The following KIAA0586 variants were observed in gnomAD, a reference collection of about 807,000 sequenced individuals.
The protein encoded by KIAA0586 is KIAA0586, also known as protein TALPID3.
In KIAA0586, 144 loss-of-function variants were observed where a neutral mutation model predicts 169.8. The observed-to-expected ratio is 0.85, with a 90% CI of 0.74 to 0.97. The LOEUF (loss-of-function observed/expected upper bound fraction) is 0.97, where lower values mean the gene tolerates loss of function less well. Ranked by LOEUF, KIAA0586 falls within the 50% of genes least tolerant of loss-of-function variation. The probability of loss-of-function intolerance (pLI) is 0.00; values close to 1 mark genes in which losing one functional copy is unlikely to be tolerated. For synonymous variants in KIAA0586, 625 were observed against 612.4 expected (o/e 1.02, Z -0.30); for missense variants, 1,854 against 1,823.0 (o/e 1.02, Z -0.31).
intron 29 of KIAA0586, among the ~76,000 whole-genome samples, chr14:58,513,658 T>C (rs2044551082): frequency 6.6e-6 from 1 of 151,980 alleles, no homozygotes; most frequent in South Asian, 2.1e-4. Context: ...CTTCTGGTGA[T>C]TTAAGAATTA....
chr14:58,495,233 T>A (rs1030937951), intron 26 of KIAA0586, among the ~76,000 whole-genome samples: 3 of 152,148 alleles, frequency 2.0e-5, no homozygotes, highest in African/African-American at 7.2e-5. Context: ...ATTAAGCATT[T>A]ATATATGTAT....
chr14:58,552,264 A>T (rs1205213833), downstream of KIAA0586, among the ~76,000 whole-genome samples: 1 of 152,134 alleles, frequency 6.6e-6, no homozygotes, highest in African/African-American at 2.4e-5. Flanking sequence ...TTTTTATTTG[A>T]CCTAGGTAGG....
chr14:58,531,326 C>CAAAAAAAAAAAA (rs1025870057), intron 29 of KIAA0586, among the ~76,000 whole-genome samples: 2 of 96,112 alleles, frequency 2.1e-5, no homozygotes, highest in African/African-American at 3.5e-5. Context: ...GACTCCGTCT[C>CAAAAAAAAAAAA]AAAAAAAAAA....
intron 21 of KIAA0586, among the ~76,000 whole-genome samples, chr14:58,484,900 A>ATATT (rs1555391503): frequency 9.8e-4 from 9 of 9,166 alleles, no homozygotes; most frequent in Admixed American, 2.8e-3. Flanking sequence ...TTATATATAT[A>ATATT]TATATATATA....
chr14:58,496,768 A>G (rs1303737209), intron 26 of KIAA0586, among the ~76,000 whole-genome samples: 1 of 152,224 alleles, frequency 6.6e-6, no homozygotes, highest in African/African-American at 2.4e-5. Context: ...GTTGGTTGAA[A>G]TTAAACCCCT....
chr14:58,548,824 A>G lies in KIAA0586; in HGVS notation c.*892A>G, dbSNP rs1785727494. ...GGAAAATAAAAAGCATTGCTTCGTAATCAGATACATGTAGGTTCTAATCCC... is the reference window on the plus strand; with the variant it reads ...GGAAAATAAAAAGCATTGCTTCGTAGTCAGATACATGTAGGTTCTAATCCC... On this transcript the variant is annotated 3_prime_UTR_variant, in exon 31 of 31. Coordinates refer to ENST00000652326, the MANE Select transcript of KIAA0586 (RefSeq NM_001329943.3). The G allele has an allele frequency of 6.6e-6, 1 of 152,198 alleles. No individual in the cohort carries two copies. Among genetic ancestry groups the G allele is most frequent in the East Asian group, 1.9e-4 (1 of 5,198 alleles). 9.4% of individuals were successfully genotyped at this position (152,198 alleles called of 1,614,324 possible).
chr14:58,534,175 TATAG>T (rs1284240884), intron 29 of KIAA0586, among the ~76,000 whole-genome samples: 1 of 152,198 alleles, frequency 6.6e-6, no homozygotes, highest in Non-Finnish European at 1.5e-5. Context: ...ATTTTCTGTG[TATAG>T]ATACAGAGGC....
the KIAA0586 span, among the ~76,000 whole-genome samples, chr14:58,558,501 T>A: frequency 1.5e-3 from 231 of 152,346 alleles, 2 homozygotes; most frequent in South Asian, 2.9e-3. Context: ...CTTCATGGAA[T>A]ACTTAGATCC....
chr14:58,523,719 A>ATATTATTATTATTATTATTATTATTAT (rs542449532), intron 29 of KIAA0586, among the ~76,000 whole-genome samples: 3 of 149,040 alleles, frequency 2.0e-5, no homozygotes, highest in African/African-American at 7.4e-5. Context: ...TTTTAATTGA[A>ATATTATTATTATTATTATTATTATTAT]TATTATTATT....
At chr14:58,525,773 T>C (rs1372813261) in intron 29 of KIAA0586, among the ~76,000 whole-genome samples, 1 of 152,206 alleles carries the variant, frequency 6.6e-6, no homozygotes, top group Non-Finnish European at 1.5e-5. Flanking sequence ...CTCAGCGGAT[T>C]CCACTGCCAC....
At chr14:58,485,228 A>G (rs1213345175) in intron 21 of KIAA0586, among the ~76,000 whole-genome samples, 1 of 151,652 alleles carries the variant, frequency 6.6e-6, no homozygotes, top group African/African-American at 2.4e-5. Flanking sequence ...GGCCCAAATA[A>G]TATATTTTTA....
chr14:58,556,424 T>A, the KIAA0586 span, among the ~76,000 whole-genome samples: 42 of 152,372 alleles, frequency 2.8e-4, no homozygotes, highest in East Asian at 6.8e-3. Flanking sequence ...ACTGCAAATA[T>A]AATTTATATA....
chr14:58,528,785 A>T (rs147373008), intron 29 of KIAA0586, among the ~76,000 whole-genome samples: 7,462 of 152,318 alleles, frequency 0.049, 259 homozygotes, highest in South Asian at 0.11. Context: ...TAACATCTCA[A>T]TTAAAAGAAC....
rs751820115 is a variant in KIAA0586, at chr14:58,508,550, A to G, written c.4169-5A>G. On this transcript the variant is annotated splice_polypyrimidine_tract_variant and splice_region_variant and intron_variant, in intron 27 of 30. Transcript: ENST00000652326. Reference sequence around the variant, plus strand: ...TTAACTTTTTATTTACATTTTTGATAACAGGTAGTATTTATGAAGATTCAT... The same window carrying G: ...TTAACTTTTTATTTACATTTTTGATGACAGGTAGTATTTATGAAGATTCAT... 2 of 1,554,876 alleles carry G rather than the reference A, an allele frequency of 1.3e-6. No individual in the cohort carries two copies. The highest frequency in any genetic ancestry group is 2.3e-5 in the East Asian group (1 of 43,020).
chr14:58,486,321 T>A (rs552207876), intron 21 of KIAA0586, among the ~76,000 whole-genome samples: 1 of 152,366 alleles, frequency 6.6e-6, no homozygotes, highest in East Asian at 1.9e-4. Flanking sequence ...CCATGGTTTA[T>A]GTGTACCACA....
intron 3 of KIAA0586, 129 bp downstream of exon 3, chr14:58,430,846 A>T (rs115523771): frequency 7.1e-5 from 41 of 580,536 alleles, no homozygotes; most frequent in African/African-American, 6.9e-4. Context: ...ATCACCTTTC[A>T]TATCCAGAGC....
At chr14:58,429,021 G>A (rs2037126876) in intron 1 of KIAA0586, among the ~76,000 whole-genome samples, 1 of 152,138 alleles carries the variant, frequency 6.6e-6, no homozygotes, top group African/African-American at 2.4e-5. Context: ...GGGATACAGC[G>A]GTGACACTCA....
chr14:58,427,709 G>T, upstream of KIAA0586: 1 of 1,535,160 alleles, frequency 6.5e-7, no homozygotes, highest in Admixed American at 2.0e-5. Context: ...TTGACCTGCG[G>T]GCAACTGACG....
Position 58,540,090 on chromosome 14 carries a change from T to C in KIAA0586, c.4449T>C (p.Asp1483=), listed in dbSNP as rs538659713. ...SQQQVSPGDM[D]RTQIELNPYL... The stretch of plus-strand genomic sequence containing the variant: ...ATGTAGTTTCACCAGGTGATATGGA[T>C]CGGACACAAATTGAGCTTAATCCGT... Residue 1483 remains aspartate, a synonymous_variant, in exon 30 of 31, where the codon GAT becomes GAC. Coordinates refer to ENST00000652326, the MANE Select transcript of KIAA0586 (RefSeq NM_001329943.3). 1.3e-5 allele frequency: 20 copies of C among 1,560,150 alleles called. No homozygotes were observed. The African/African-American group carries it at 2.3e-4, about 18-fold the overall frequency.
Sources: allele counts gnomAD v4.1 joint callset (sites outside exome capture counted in the v4.1 genomes callset), GRCh38; gene constraint gnomAD v4.1.1; transcripts MANE v1.5; gene names NCBI Gene and HGNC (gene_info 2026-07-23, HGNC 2026-07-21).